Variants in KCNMB2 observed in about 807,000 individuals in gnomAD.
The protein encoded by KCNMB2 is potassium calcium-activated channel subfamily M regulatory beta subunit 2.
A neutral mutation model predicts 24.5 loss-of-function variants in KCNMB2; 9 were observed. The ratio of observed to expected loss-of-function variants is 0.37; its 90% CI spans 0.22 to 0.64. The LOEUF is 0.64. Ranked by LOEUF, KCNMB2 falls within the 30% of genes least tolerant of loss-of-function variation. The pLI, the probability that KCNMB2 is intolerant of heterozygous loss-of-function variation, is 0.63. For synonymous variants in KCNMB2, 109 were observed against 104.4 expected (o/e 1.04, Z -0.27); for missense variants, 226 against 284.3 (o/e 0.79, Z 1.47).
chr3:178,550,044 G>C (rs143382443), intron 1 of KCNMB2, among the ~76,000 whole-genome samples: 110 of 152,108 alleles, frequency 7.2e-4, no homozygotes, highest in South Asian at 3.7e-3. Context: ...TGTTATGTTG[G>C]CTATATAAGT....
intron 1 of KCNMB2, among the ~76,000 whole-genome samples, chr3:178,743,917 A>T (rs1337751541): frequency 6.6e-6 from 1 of 152,240 alleles, no homozygotes; most frequent in African/African-American, 2.4e-5. Context: ...AAGAGAATGT[A>T]ACATTGGACA....
chr3:178,548,077 A>T (rs1384212444), intron 1 of KCNMB2, among the ~76,000 whole-genome samples: 1 of 152,174 alleles, frequency 6.6e-6, no homozygotes, highest in African/African-American at 2.4e-5. Context: ...AAGTCCCTTT[A>T]TTGGAACACT....
In KCNMB2 at chr3:178,578,159, A is replaced by G. The variant is rs531733189; in HGVS notation, c.-68+41448A>G. On this transcript the variant is annotated intron_variant, in intron 1 of 4. Coordinates refer to ENST00000452583, the MANE Select transcript of KCNMB2 (RefSeq NM_181361.3). ...TTGGGTTACCGACAAAGAGAAGCCC[A>G]TCAAACTAACAGCAGATCTCTCTGC... 4.6e-5 allele frequency among the ~76,000 whole-genome samples: 7 copies of G among 152,366 alleles called. No homozygotes were observed. The South Asian group carries it at 1.4e-3, about 32-fold the overall frequency.
Position 178,617,909 on chromosome 3 carries a change from A to C in KCNMB2, c.-68+81198A>C, listed in dbSNP as rs1055235109. ...CTGTCTAAAAAAAAAAAAAAAAAAA[A>C]AACCCAACACTCAAAAGTAATCGTC... On this transcript the variant is annotated intron_variant, in intron 1 of 4. Transcript: ENST00000452583. 9.9e-5 allele frequency among the ~76,000 whole-genome samples: 15 copies of C among 151,746 alleles called. No homozygotes were observed. In the East Asian group the frequency reaches 2.9e-3, roughly 29 times the overall value.
At chr3:178,787,382 T>A (rs1350163414) in intron 1 of KCNMB2, among the ~76,000 whole-genome samples, 1 of 152,200 alleles carries the variant, frequency 6.6e-6, no homozygotes, top group Non-Finnish European at 1.5e-5. Context: ...TACTGTTGCA[T>A]ACGCACATAT....
At chr3:178,698,766 G>A (rs1721976847) in intron 1 of KCNMB2, among the ~76,000 whole-genome samples, 2 of 152,274 alleles carry the variant, frequency 1.3e-5, no homozygotes, top group South Asian at 4.1e-4. Flanking sequence ...TTCAATCTTT[G>A]AGGTTGCTGA....
intron 1 of KCNMB2, among the ~76,000 whole-genome samples, chr3:178,625,120 C>G (rs1412663726): frequency 6.6e-6 from 1 of 151,764 alleles, no homozygotes; most frequent in Non-Finnish European, 1.5e-5. Context: ...CTGCCTGGCC[C>G]TTCTTCCCCC....
At chr3:178,615,291 C>G (rs1010969627) in intron 1 of KCNMB2, among the ~76,000 whole-genome samples, 1 of 152,212 alleles carries the variant, frequency 6.6e-6, no homozygotes, top group African/African-American at 2.4e-5. Flanking sequence ...CCTATGTTCA[C>G]TCAAGTCTCT....
intron 1 of KCNMB2, among the ~76,000 whole-genome samples, chr3:178,788,434 G>T (rs1713193419): frequency 6.6e-6 from 1 of 151,922 alleles, no homozygotes; most frequent in Non-Finnish European, 1.5e-5. Context: ...AAACAGAAGG[G>T]CTTTATGTAT....
At chr3:178,761,746 A>G (rs1013821557) in intron 1 of KCNMB2, among the ~76,000 whole-genome samples, 8 of 152,236 alleles carry the variant, frequency 5.3e-5, no homozygotes, top group African/African-American at 1.9e-4. Flanking sequence ...GCACTGAAGA[A>G]AAGCTATAAA....
intron 1 of KCNMB2, among the ~76,000 whole-genome samples, chr3:178,798,695 A>T (rs1713651533): frequency 6.6e-6 from 1 of 151,998 alleles, no homozygotes; most frequent in Non-Finnish European, 1.5e-5. Context: ...AGACACAGGG[A>T]GGGGAACTAC....
chr3:178,667,508 G>A (rs1720760694), intron 1 of KCNMB2, among the ~76,000 whole-genome samples: 1 of 152,046 alleles, frequency 6.6e-6, no homozygotes, highest in African/African-American at 2.4e-5. Flanking sequence ...AGACTTCCCA[G>A]CCTCTACAAC....
At chr3:178,669,027 A>G (rs1720812892) in intron 1 of KCNMB2, among the ~76,000 whole-genome samples, 1 of 152,130 alleles carries the variant, frequency 6.6e-6, no homozygotes. Context: ...TCTGCTTCTT[A>G]TGAGAAGAGA....
At chr3:178,778,699 G>A (rs1438806036) in intron 1 of KCNMB2, among the ~76,000 whole-genome samples, 1 of 152,122 alleles carries the variant, frequency 6.6e-6, no homozygotes, top group Admixed American at 6.5e-5. Context: ...GCCTGGATTT[G>A]TCCACTGGCT....
chr3:178,745,701 G>A (rs1052520815), intron 1 of KCNMB2, among the ~76,000 whole-genome samples: 5 of 152,168 alleles, frequency 3.3e-5, no homozygotes, highest in African/African-American at 7.2e-5. Flanking sequence ...AGATACAATG[G>A]GGGTACAGCA....
chr3:178,840,469 A>G (rs1372792053), intron 4 of KCNMB2, among the ~76,000 whole-genome samples: 2 of 152,198 alleles, frequency 1.3e-5, no homozygotes, highest in African/African-American at 4.8e-5. Flanking sequence ...CTCCAACCCC[A>G]TATTTCCCTT....
rs116248922 is a variant in KCNMB2, at chr3:178,554,883, C to G, written c.-68+18172C>G. 5.4e-3 allele frequency among the ~76,000 whole-genome samples: 820 copies of G among 152,306 alleles called. 9 individuals carry two copies. Among genetic ancestry groups the G allele is most frequent in the African/African-American group, 0.019 (794 of 41,566 alleles). On this transcript the variant is annotated intron_variant, in intron 1 of 4. Coordinates refer to ENST00000452583, the MANE Select transcript of KCNMB2 (RefSeq NM_181361.3). Reference sequence around the variant, plus strand: ...TTTTGTAAGGACATGGGTCTCTGCTCTCTGCAAGTGACTTTATTATGGATA... The same window carrying G: ...TTTTGTAAGGACATGGGTCTCTGCTGTCTGCAAGTGACTTTATTATGGATA...
intron 1 of KCNMB2, among the ~76,000 whole-genome samples, chr3:178,570,447 G>T (rs1716731845): frequency 6.7e-6 from 1 of 149,210 alleles, no homozygotes; most frequent in African/African-American, 2.5e-5. Flanking sequence ...GAACCCAACT[G>T]CAATAGAAGG....
At chr3:178,684,299 T>C (rs1258797267) in intron 1 of KCNMB2, among the ~76,000 whole-genome samples, 1 of 119,476 alleles carries the variant, frequency 8.4e-6, no homozygotes, top group African/African-American at 3.2e-5. Context: ...AAATCTCAAA[T>C]ATAGAGAGAT....
Sources: allele counts gnomAD v4.1 joint callset (sites outside exome capture counted in the v4.1 genomes callset), GRCh38; gene constraint gnomAD v4.1.1; transcripts MANE v1.5; gene names NCBI Gene and HGNC (gene_info 2026-07-23, HGNC 2026-07-21).